Variants in PIMREG observed in about 807,000 individuals in gnomAD.
PIMREG encodes the protein PICALM interacting mitotic regulator.
A neutral mutation model predicts 24.3 loss-of-function variants in PIMREG; 19 were observed. The ratio of observed to expected loss-of-function variants is 0.78; its 90% CI spans 0.54 to 1.15. PIMREG has a LOEUF of 1.15. PIMREG is among the 50% of genes most tolerant of loss of function. PIMREG has a pLI of 0.00. For synonymous variants in PIMREG, 112 were observed against 124.1 expected (o/e 0.90, Z 0.65); for missense variants, 283 against 306.8 (o/e 0.92, Z 0.58).
chr17:6,449,914 T>G (rs530699973), intron 4 of PIMREG, 114 bp from the exon 5 acceptor site: 2 of 1,430,352 alleles, frequency 1.4e-6, no homozygotes, highest in East Asian at 4.6e-5. Context: ...CTCTATGTGT[T>G]GAGGGGCCAT....
At chr17:6,449,838 T>C in intron 4 of PIMREG, 190 bp from the exon 5 acceptor site, 1 of 1,420,820 alleles carries the variant, frequency 7.0e-7, no homozygotes, top group Admixed American at 2.7e-5. Context: ...CTCCCCTAAC[T>C]TGGGGCTGTT....
chr17:6,448,232 G>C (rs187593719), intron 3 of PIMREG, among the ~76,000 whole-genome samples: 12 of 128,198 alleles, frequency 9.4e-5, no homozygotes, highest in Non-Finnish European at 1.7e-4. Context: ...GCATTGAGCT[G>C]AGATCGCGCC....
In PIMREG at chr17:6,445,242, G is replaced by C; in HGVS notation, c.132G>C (p.Gly44=). 6.2e-7 allele frequency: 1 copy of C among 1,613,734 alleles called. No homozygotes were observed. The highest frequency in any genetic ancestry group is 1.1e-5 in the South Asian group (1 of 91,038). ...AGGAGACCTCTGTAGGGGCCCTGGGGTCCCTGTGCAGACAGTTCCAAAGGA... is the reference window on the plus strand; with the variant it reads ...AGGAGACCTCTGTAGGGGCCCTGGGCTCCCTGTGCAGACAGTTCCAAAGGA... The part of the protein sequence containing the change: ...SHQETSVGAL[G]SLCRQFQRRL... The change falls in exon 2 of 6, where the codon GGG becomes GGC. Residue 44 remains glycine, a synonymous_variant. Coordinates refer to ENST00000572447, the MANE Select transcript of PIMREG (RefSeq NM_019013.3).
intron 3 of PIMREG, among the ~76,000 whole-genome samples, 170 bp downstream of exon 3, chr17:6,447,928 C>A (rs1479973220): frequency 2.6e-5 from 4 of 152,134 alleles, no homozygotes; most frequent in Admixed American, 6.5e-5. Context: ...TATTATTATT[C>A]TTACTGTTAA....
chr17:6,448,817 G>A (rs1047804421), intron 3 of PIMREG, among the ~76,000 whole-genome samples: 1 of 152,054 alleles, frequency 6.6e-6, no homozygotes, highest in Admixed American at 6.5e-5. Context: ...GTAGTCACCA[G>A]GATGCATGTA....
In PIMREG at chr17:6,449,398, CG is replaced by C. The variant is rs1456713864; in HGVS notation, c.679del (p.Glu227LysfsTer55). ...CAAGAGCTAGATGAAGCCATTATGG[CG>C]GAAGAGAGGTGAGTTGGCATCCCAT... The part of the protein sequence containing the change: ...LSQELDEAIM[A>X]EESGDIVSLI... On this transcript the variant is annotated frameshift_variant, in exon 4 of 6. Transcript: ENST00000572447. LOFTEE classifies it high-confidence loss of function. The C allele has an allele frequency of 6.2e-7, 1 of 1,612,572 alleles. No individual in the cohort carries two copies. The highest frequency in any genetic ancestry group is 8.5e-7 in the Non-Finnish European group (1 of 1,179,356).
intron 3 of PIMREG, among the ~76,000 whole-genome samples, chr17:6,448,301 A>AAAAAAAACAG (rs1259419657): frequency 6.7e-6 from 1 of 149,218 alleles, no homozygotes; most frequent in African/African-American, 2.5e-5. Flanking sequence ...AAAAAAAAAA[A>AAAAAAAACAG]AGAGAGAGAG....
In PIMREG at chr17:6,445,093, A is replaced by G; in HGVS notation, c.-18A>G. 6.4e-7 allele frequency: 1 copy of G among 1,568,460 alleles called. No individual in the cohort carries two copies. The highest frequency in any genetic ancestry group is 2.3e-5 in the East Asian group (1 of 44,330). ...CTCCCCAGGGTCTAGTGGACAGAGA[A>G]GACTCTTGGCCAGGCAGATGGCTTC... On this transcript the variant is annotated 5_prime_UTR_variant, in exon 2 of 6. Coordinates refer to ENST00000572447, the MANE Select transcript of PIMREG (RefSeq NM_019013.3).
In PIMREG at chr17:6,445,281, A is replaced by G; in HGVS notation, c.171A>G (p.Arg57=). The change falls in exon 2 of 6, where the codon AGA becomes AGG. Residue 57 remains arginine (R), a synonymous_variant. Coordinates refer to ENST00000572447, the MANE Select transcript of PIMREG (RefSeq NM_019013.3). ...CRQFQRRLPL[R]AVNLNLRAGP... is the part of the protein sequence containing the mutation. ...AGTTCCAAAGGAGGCTGCCCCTGAG[A>G]GCCGTCAACCTCAACCTCCGCGCAG... 1 of 1,613,878 alleles carries G rather than the reference A, an allele frequency of 6.2e-7. No homozygotes were observed. Among genetic ancestry groups the G allele is most frequent in the South Asian group, 1.1e-5 (1 of 91,060 alleles).
rs769772342 is a variant in PIMREG at position 6,449,351 on chromosome 17, T to A, written c.630T>A (p.Ile210=). 1 of 1,613,586 alleles carries A rather than the reference T, an allele frequency of 6.2e-7. No homozygotes were observed. Among genetic ancestry groups the A allele is most frequent in the East Asian group, 2.2e-5 (1 of 44,818 alleles). The change falls in exon 4 of 6, where the codon ATT becomes ATA. Residue 210 remains isoleucine (I), a synonymous_variant. Coordinates refer to ENST00000572447, the MANE Select transcript of PIMREG (RefSeq NM_019013.3). ...DSDLEPVGAG[I]QHLQKLSQEL... ...ACCTAGAGCCTGTGGGGGCGGGAAT[T>A]CAGCATCTCCAGAAGCTGTCCCAAG...
At chr17:6,447,855 G>A (rs1326423033) in intron 3 of PIMREG, 97 bp downstream of exon 3, 1 of 1,359,954 alleles carries the variant, frequency 7.4e-7, no homozygotes, top group Non-Finnish European at 9.9e-7. Context: ...GGCCCTAGGG[G>A]TTTCTTGGCA....
At position 6,445,395 on chromosome 17, in the gene PIMREG, C is replaced by T. The variant is rs1240375184; in HGVS notation, c.285C>T (p.Ala95=). 4 of 1,610,582 alleles carry T rather than the reference C, an allele frequency of 2.5e-6. No individual in the cohort carries two copies. The highest frequency in any genetic ancestry group is 2.2e-5 in the East Asian group (1 of 44,790). Residue 95 remains alanine, a synonymous_variant, in exon 2 of 6, where the codon GCC becomes GCT. Coordinates refer to ENST00000572447, the MANE Select transcript of PIMREG (RefSeq NM_019013.3). The part of the protein sequence containing the change: ...AARSAKSALG[A]VSQRIQESCQ... ...GCTCAGCTAAGAGTGCTTTGGGTGC[C>T]GTGTCCCAGGTAATACTGACAACAC...
intron 5 of PIMREG, 80 bp downstream of exon 5, chr17:6,450,152 C>A: frequency 1.4e-6 from 2 of 1,455,824 alleles, no homozygotes; most frequent in Non-Finnish European, 1.9e-6. Context: ...AAAAAGCCCA[C>A]AGAGCTGATG....
intron 3 of PIMREG, among the ~76,000 whole-genome samples, chr17:6,448,937 AG>A (rs1050890957): frequency 2.6e-5 from 4 of 152,228 alleles, no homozygotes; most frequent in Non-Finnish European, 5.9e-5. Context: ...CAGAGCCAGC[AG>A]GGGACCTGAG....
At position 6,450,736 on chromosome 17, in the gene PIMREG, G is replaced by T; in HGVS notation, c.*389G>T. On this transcript the variant is annotated 3_prime_UTR_variant, in exon 6 of 6. Coordinates refer to ENST00000572447, the MANE Select transcript of PIMREG (RefSeq NM_019013.3). ...CTCTGTACCCGGGTGCCTGGTTTTT[G>T]GGGAGTCATCCGCAGAGTCACTCAC... The T allele has an allele frequency of 3.2e-6, 1 of 315,638 alleles. No homozygotes were observed. Among genetic ancestry groups the T allele is most frequent in the South Asian group, 1.2e-4 (1 of 8,248 alleles). 19.6% of individuals were successfully genotyped at this position (315,638 alleles called of 1,614,324 possible).
rs560809213 is a variant in PIMREG at position 6,444,994 on chromosome 17, C to A, written c.-35-82C>A. On this transcript the variant is annotated intron_variant, in intron 1 of 5. Transcript: ENST00000572447. This position sits in a 1 kb window ranked among gnomAD's most constrained non-coding sequence, Gnocchi z 4.3. ...GCCACCCCGCTGCATCCCGTCTCTT[C>A]CCCTGTGTCCAGGGTCTCTGTGGGG... 2.6e-6 allele frequency: 3 copies of A among 1,150,224 alleles called. No individual in the cohort carries two copies. The highest frequency in any genetic ancestry group is 6.3e-5 in the Admixed American group (2 of 31,582). The allele number at this position is 1,150,224 out of a possible 1,614,324, so 71.3% of individuals were successfully genotyped here. A position where few individuals can be genotyped will look rare whatever the true frequency, so the allele number is the denominator to read the frequency against.
chr17:6,446,880 C>CT (rs770949233), intron 2 of PIMREG, among the ~76,000 whole-genome samples: 3 of 152,270 alleles, frequency 2.0e-5, no homozygotes, highest in Non-Finnish European at 4.4e-5. Flanking sequence ...AGAGTTTGGA[C>CT]TTAGACAAAC....
chr17:6,450,418 C>A lies in PIMREG; in HGVS notation c.*71C>A. On this transcript the variant is annotated 3_prime_UTR_variant, in exon 6 of 6. Transcript: ENST00000572447. ...ATACTCAAGGATGTCTATGCTTCCC[C>A]GTGAGCTTCCTGGAAAAAACCCCCG... 1 of 1,569,800 alleles carries A rather than the reference C, an allele frequency of 6.4e-7. No homozygotes were observed. The highest frequency in any genetic ancestry group is 8.6e-7 in the Non-Finnish European group (1 of 1,165,516).
intron 2 of PIMREG, among the ~76,000 whole-genome samples, chr17:6,446,738 G>A (rs918235969): frequency 6.6e-6 from 1 of 152,202 alleles, no homozygotes; most frequent in African/African-American, 2.4e-5. Flanking sequence ...CCACTGTGGA[G>A]GGTGGATAGA....
Sources: allele counts gnomAD v4.1 joint callset (sites outside exome capture counted in the v4.1 genomes callset), GRCh38; gene constraint gnomAD v4.1.1; non-coding constraint Gnocchi (gnomAD v3.1); transcripts MANE v1.5; gene names NCBI Gene and HGNC (gene_info 2026-07-23, HGNC 2026-07-21).